The following APIP variants were observed in gnomAD, a reference collection of about 807,000 sequenced individuals.
The protein encoded by APIP is APAF1 interacting protein.
Under a neutral mutation model 32.0 loss-of-function variants are expected in APIP, and 32 were observed. The ratio of observed to expected loss-of-function variants is 1.00; its 90% CI spans 0.76 to 1.34. The LOEUF (loss-of-function observed/expected upper bound fraction) is 1.34, where lower values mean the gene tolerates loss of function less well. APIP is among the 40% of genes most tolerant of loss of function. The pLI is 0.00. For synonymous variants in APIP, 92 were observed against 94.8 expected (o/e 0.97, Z 0.17); for missense variants, 247 against 298.6 (o/e 0.83, Z 1.27).
Position 34,916,216 on chromosome 11 carries a change from C to T in APIP, c.57+12G>A. On this transcript the variant is annotated intron_variant, in intron 1 of 6. Transcript: ENST00000395787. ...TCCTGGGAATACCGGGCACCGGTGG[C>T]CCCGCCCCTACCTGCGCGCCGCATC... The T allele has an allele frequency of 6.2e-7, 1 of 1,608,518 alleles. No homozygotes were observed.
At chr11:34,916,057 C>T (rs1256730871) in intron 1 of APIP, 171 bp downstream of exon 1, 6 of 865,910 alleles carry the variant, frequency 6.9e-6, no homozygotes, top group East Asian at 5.6e-5. Context: ...GCCTCGCAGC[C>T]TTGCTTCCGA....
chr11:34,908,377 A>T (rs1417452761), intron 1 of APIP, among the ~76,000 whole-genome samples: 2 of 152,222 alleles, frequency 1.3e-5, no homozygotes, highest in Non-Finnish European at 2.9e-5. Flanking sequence ...TCAGGAAGGG[A>T]CTGAATGCAG....
At chr11:34,890,601 GCA>G (rs1331060579) in intron 2 of APIP, 49 bp from the exon 3 acceptor site, 1 of 1,595,090 alleles carries the variant, frequency 6.3e-7, no homozygotes, top group African/African-American at 1.3e-5. Context: ...TCCTGCTTTT[GCA>G]CAAAGAAAAG....
chr11:34,890,428 C>A, intron 3 of APIP, 76 bp downstream of exon 3: 1 of 1,390,118 alleles, frequency 7.2e-7, no homozygotes, highest in South Asian at 1.3e-5. Context: ...AATGTTTTCT[C>A]TTAAAATTAA....
chr11:34,887,583 C>T (rs1270265403), intron 5 of APIP, among the ~76,000 whole-genome samples: 1 of 152,076 alleles, frequency 6.6e-6, no homozygotes, highest in African/African-American at 2.4e-5. Flanking sequence ...AAACTGGCAC[C>T]GTTTTCCTCT....
chr11:34,916,275 A>T lies in APIP; in HGVS notation c.10T>A (p.Cys4Ser), dbSNP rs777780994. ...CAACAGTCTCCCTCCCGAGCATCAC[A>T]GCCAGACATGGCCCAGACCAGGGAC... MSGCDAREGDCCSR... is the reference protein window; with the variant it reads MSGSDAREGDCCSR... Residue 4 changes from cysteine to serine, a missense_variant, in exon 1 of 7, where the codon TGT becomes AGT. By Grantham distance (112) the Cys-to-Ser change is moderately radical (BLOSUM62 -1). Transcript: ENST00000395787. 6.2e-7 allele frequency: 1 copy of T among 1,612,540 alleles called. No individual in the cohort carries two copies. The highest frequency in any genetic ancestry group is 8.5e-7 in the Non-Finnish European group (1 of 1,179,502).
intron 2 of APIP, among the ~76,000 whole-genome samples, chr11:34,893,216 C>T (rs1184539922): frequency 6.6e-6 from 1 of 152,056 alleles, no homozygotes; most frequent in Non-Finnish European, 1.5e-5. Flanking sequence ...AGAACATAGT[C>T]CTTTATGTCT....
At chr11:34,915,217 A>G (rs1342783639) in intron 1 of APIP, among the ~76,000 whole-genome samples, 2 of 152,088 alleles carry the variant, frequency 1.3e-5, no homozygotes, top group African/African-American at 4.8e-5. Context: ...ACTTCTCCAT[A>G]CACACTTGCC....
At chr11:34,897,834 G>C (rs1485750829) in intron 1 of APIP, among the ~76,000 whole-genome samples, 2 of 151,926 alleles carry the variant, frequency 1.3e-5, no homozygotes, top group Non-Finnish European at 2.9e-5. Context: ...TTTTTCGTGG[G>C]CTACCTGAGT....
chr11:34,888,413 A>G lies in APIP; in HGVS notation c.341T>C (p.Ile114Thr). Reference protein sequence around the residue: ...AYTMRGAGAVIHTHSKAAVMA... With the variant: ...AYTMRGAGAVTHTHSKAAVMA... ...CACAGCAGCTTTAGAGTGGGTATGA[A>G]TCACTGCACCTGCTCCTGAAGGAGG... Residue 114 changes from isoleucine to threonine, a missense_variant, in exon 5 of 7, where the codon ATT becomes ACT. Ile to Thr is a moderately conservative substitution (Grantham distance 89, BLOSUM62 -1). Transcript: ENST00000395787. 6.2e-7 allele frequency: 1 copy of G among 1,609,040 alleles called. No homozygotes were observed. Among genetic ancestry groups the G allele is most frequent in the Non-Finnish European group, 8.5e-7 (1 of 1,178,340 alleles).
At position 34,913,316 on chromosome 11, in the gene APIP, GTCTCAC is replaced by G. The variant is rs148385692; in HGVS notation, c.57+2906_57+2911del. 2.6e-5 allele frequency among the ~76,000 whole-genome samples: 4 copies of G among 152,312 alleles called. No homozygotes were observed. In the East Asian group the frequency reaches 7.7e-4, roughly 29 times the overall value. On this transcript the variant is annotated intron_variant, in intron 1 of 6. Transcript: ENST00000395787. The stretch of plus-strand genomic sequence containing the variant: ...ATTGGTTCCTTCCCGTGGGTTCTTG[GTCTCAC>G]TGACTTCAAGAATGAAGCCGCGGAC...
At chr11:34,888,553 A>G (rs1037025847) in intron 4 of APIP, 125 bp from the exon 5 acceptor site, 24 of 1,400,292 alleles carry the variant, frequency 1.7e-5, no homozygotes, top group Non-Finnish European at 2.2e-5. Context: ...CTGGCATGGA[A>G]TAAGTTGGTA....
chr11:34,898,965 ATTGT>A (rs1282806054), intron 1 of APIP, among the ~76,000 whole-genome samples: 16 of 151,690 alleles, frequency 1.1e-4, no homozygotes, highest in Non-Finnish European at 1.5e-5. Context: ...CGCCCAGCTA[ATTGT>A]TTGTATTTTT....
intron 1 of APIP, among the ~76,000 whole-genome samples, chr11:34,911,615 C>T (rs1853552198): frequency 6.6e-6 from 1 of 152,180 alleles, no homozygotes; most frequent in Non-Finnish European, 1.5e-5. Context: ...CATATAAAAT[C>T]TGAGTTTCCA....
At chr11:34,886,437 T>TA (rs529730563) in intron 5 of APIP, among the ~76,000 whole-genome samples, 194 of 146,418 alleles carry the variant, frequency 1.3e-3, no homozygotes, top group African/African-American at 4.3e-3. Flanking sequence ...GTCCAAAAGT[T>TA]AAAAAAAAAA....
chr11:34,894,457 C>G (rs1271885652), intron 2 of APIP, among the ~76,000 whole-genome samples: 1 of 116,778 alleles, frequency 8.6e-6, no homozygotes, highest in Non-Finnish European at 1.7e-5. Context: ...TTAGTGAGAC[C>G]CAGTCTCTAC....
At chr11:34,901,451 C>A (rs1252890244) in intron 1 of APIP, among the ~76,000 whole-genome samples, 1 of 152,098 alleles carries the variant, frequency 6.6e-6, no homozygotes. Context: ...AGCACAGGAA[C>A]CTTGGGTGAT....
intron 1 of APIP, among the ~76,000 whole-genome samples, chr11:34,912,249 G>T (rs1853565159): frequency 6.6e-6 from 1 of 152,144 alleles, no homozygotes; most frequent in African/African-American, 2.4e-5. Flanking sequence ...TACTGCAAAT[G>T]ATAATAAAAA....
At chr11:34,891,832 G>A (rs1192055060) in intron 2 of APIP, among the ~76,000 whole-genome samples, 1 of 152,146 alleles carries the variant, frequency 6.6e-6, no homozygotes, top group Non-Finnish European at 1.5e-5. Context: ...CTATTAACAA[G>A]GGCTCTTTGT....
Sources: allele counts gnomAD v4.1 joint callset (sites outside exome capture counted in the v4.1 genomes callset), GRCh38; gene constraint gnomAD v4.1.1; transcripts MANE v1.5; gene names NCBI Gene and HGNC (gene_info 2026-07-23, HGNC 2026-07-21).